The following ANXA13 variants were observed in gnomAD, a reference collection of about 807,000 sequenced individuals.
ANXA13 encodes the protein annexin A13.
Under a neutral mutation model 46.6 loss-of-function variants are expected in ANXA13, and 36 were observed. The observed-to-expected ratio is 0.77, with a 90% CI of 0.59 to 1.02. The LOEUF (loss-of-function observed/expected upper bound fraction) is 1.02. Among genes scored for constraint, ANXA13 ranks in the 50% least tolerant of loss-of-function variants. ANXA13 has a pLI of 0.00. For missense variants in ANXA13, 417 were observed against 396.5 expected, an observed-to-expected ratio of 1.05 and a Z score of -0.44; for synonymous variants, 163 against 152.9, an observed-to-expected ratio of 1.07 and a Z score of -0.49.
intron 1 of ANXA13, among the ~76,000 whole-genome samples, chr8:123,717,105 C>G (rs1292188122): frequency 6.6e-6 from 1 of 152,124 alleles, no homozygotes; most frequent in Admixed American, 6.5e-5. Flanking sequence ...AGATATTAAA[C>G]GTCAATAATA....
chr8:123,718,480 G>A (rs1368259454), intron 1 of ANXA13, among the ~76,000 whole-genome samples: 1 of 152,176 alleles, frequency 6.6e-6, no homozygotes, highest in African/African-American at 2.4e-5. Flanking sequence ...CACACCTCAT[G>A]GGGTGTGAGA....
Position 123,684,726 on chromosome 8 carries a change from G to C in ANXA13, c.719-4C>G. On this transcript the variant is annotated splice_region_variant and splice_polypyrimidine_tract_variant and intron_variant, in intron 9 of 10. Coordinates refer to ENST00000419625, the MANE Select transcript of ANXA13 (RefSeq NM_004306.4). ...TCACAATCCTGGGCACATCTCACTG[G>C]GCAGGACAAAGGAAAAGAGAATGTG... The C allele has an allele frequency of 5.0e-6, 8 of 1,600,496 alleles. No individual in the cohort carries two copies. Among genetic ancestry groups the C allele is most frequent in the Non-Finnish European group, 6.0e-6 (7 of 1,167,628 alleles).
chr8:123,702,364 A>C (rs1469140280), intron 3 of ANXA13, among the ~76,000 whole-genome samples: 1 of 152,012 alleles, frequency 6.6e-6, no homozygotes, highest in Non-Finnish European at 1.5e-5. Flanking sequence ...ATGTACAGTT[A>C]GTCCCAATTA....
At chr8:123,730,588 AAG>A (rs969494130) in intron 1 of ANXA13, among the ~76,000 whole-genome samples, 3 of 152,208 alleles carry the variant, frequency 2.0e-5, no homozygotes, top group Non-Finnish European at 1.5e-5. Context: ...CTTATTTGGA[AAG>A]AGAGTCTTTG....
At chr8:123,701,421 G>A (rs1272375727) in intron 3 of ANXA13, among the ~76,000 whole-genome samples, 2 of 152,194 alleles carry the variant, frequency 1.3e-5, no homozygotes, top group African/African-American at 4.8e-5. Flanking sequence ...AGTGAGCCAA[G>A]ATTATGCCAC....
At chr8:123,710,463 C>G (rs1033954405) in intron 2 of ANXA13, among the ~76,000 whole-genome samples, 1 of 152,204 alleles carries the variant, frequency 6.6e-6, no homozygotes, top group African/African-American at 2.4e-5. Context: ...AAACTCTGAA[C>G]TGCATGCTGC....
At chr8:123,732,432 C>T (rs1814136284) in intron 1 of ANXA13, among the ~76,000 whole-genome samples, 1 of 152,186 alleles carries the variant, frequency 6.6e-6, no homozygotes, top group Non-Finnish European at 1.5e-5. Context: ...CTCGTTTAAA[C>T]TTCCAGTTAC....
chr8:123,687,872 GC>G (rs3837193), intron 9 of ANXA13, among the ~76,000 whole-genome samples: 2 of 152,320 alleles, frequency 1.3e-5, no homozygotes, highest in East Asian at 3.9e-4. Flanking sequence ...CCATCTCTCT[GC>G]TATTTCCTGC....
chr8:123,732,829 C>A (rs1814150366), intron 1 of ANXA13, among the ~76,000 whole-genome samples: 1 of 152,184 alleles, frequency 6.6e-6, no homozygotes, highest in South Asian at 2.1e-4. Context: ...CTTTTCACTT[C>A]CTCCTACACT....
chr8:123,702,452 G>C (rs1813461509), intron 3 of ANXA13, among the ~76,000 whole-genome samples, 190 bp downstream of exon 3: 1 of 152,154 alleles, frequency 6.6e-6, no homozygotes, highest in Non-Finnish European at 1.5e-5. Context: ...GATTTTACAG[G>C]CTATTGAGTT....
intron 4 of ANXA13, among the ~76,000 whole-genome samples, chr8:123,697,594 T>C (rs1813365280): frequency 6.6e-6 from 1 of 152,206 alleles, no homozygotes; most frequent in Non-Finnish European, 1.5e-5. Context: ...ACTGTTTGCA[T>C]TTTGCCTGCT....
intron 10 of ANXA13, among the ~76,000 whole-genome samples, chr8:123,683,276 C>G (rs1363802435): frequency 6.6e-6 from 1 of 151,810 alleles, no homozygotes; most frequent in Admixed American, 6.6e-5. Flanking sequence ...GGAGAAATTC[C>G]AGGAATAGAA....
chr8:123,722,442 A>G (rs1388810115), intron 1 of ANXA13, among the ~76,000 whole-genome samples: 2 of 152,220 alleles, frequency 1.3e-5, no homozygotes, highest in African/African-American at 4.8e-5. Context: ...CAGAAACACT[A>G]GATGAGACCT....
At chr8:123,725,669 G>GA (rs970496207) in intron 1 of ANXA13, among the ~76,000 whole-genome samples, 2 of 152,122 alleles carry the variant, frequency 1.3e-5, no homozygotes, top group African/African-American at 4.8e-5. Flanking sequence ...CTACCCAACA[G>GA]AAAAAAATAT....
intron 8 of ANXA13, among the ~76,000 whole-genome samples, chr8:123,691,310 A>G (rs1392420750): frequency 2.0e-5 from 3 of 152,214 alleles, no homozygotes; most frequent in Non-Finnish European, 4.4e-5. Context: ...AACTCTAAAA[A>G]CATCAGCAAT....
At chr8:123,691,714 C>G (rs1001117265) in intron 8 of ANXA13, among the ~76,000 whole-genome samples, 17 of 152,354 alleles carry the variant, frequency 1.1e-4, no homozygotes, top group Admixed American at 1.0e-3. Flanking sequence ...GGAACACCTG[C>G]TCTAACACAG....
intron 10 of ANXA13, among the ~76,000 whole-genome samples, chr8:123,682,414 C>G (rs1813056647): frequency 6.6e-6 from 1 of 152,216 alleles, no homozygotes; most frequent in South Asian, 2.1e-4. Context: ...GCAGAGAACT[C>G]TTTTTAACCA....
chr8:123,735,112 T>TAAAAAA (rs1814227401), intron 1 of ANXA13, among the ~76,000 whole-genome samples: 1 of 70,326 alleles, frequency 1.4e-5, no homozygotes. Flanking sequence ...CAAGTAAAAC[T>TAAAAAA]CAAAAAAAAA....
intron 4 of ANXA13, among the ~76,000 whole-genome samples, chr8:123,697,432 T>C (rs1813361845): frequency 6.6e-6 from 1 of 152,124 alleles, no homozygotes; most frequent in Non-Finnish European, 1.5e-5. Flanking sequence ...GGAGGATTTT[T>C]ATTATCTTGT....
Sources: gnomAD v4.1 joint callset for allele counts (sites outside exome capture counted in the v4.1 genomes callset) on GRCh38, gnomAD v4.1.1 for gene constraint, MANE v1.5 for transcripts, NCBI Gene and HGNC (gene_info 2026-07-23, HGNC 2026-07-21) for gene names.